Variants in MMP17 observed in about 807,000 individuals in gnomAD.
The protein encoded by MMP17 is matrix metalloproteinase-17.
A neutral mutation model predicts 49.1 loss-of-function variants in MMP17; 54 were observed. That is an observed-to-expected ratio of 1.10 (90% confidence interval 0.88 to 1.38). MMP17 has a LOEUF of 1.38. MMP17 is among the 40% of genes most tolerant of loss of function. The probability of loss-of-function intolerance (pLI) is 0.00; values close to 1 mark genes in which losing one functional copy is unlikely to be tolerated. For synonymous variants in MMP17, 397 were observed against 383.1 expected, an observed-to-expected ratio of 1.04 and a Z score of -0.42; for missense variants, 837 against 853.7, an observed-to-expected ratio of 0.98 and a Z score of 0.24.
intron 1 of MMP17, among the ~76,000 whole-genome samples, chr12:131,835,468 C>G (rs1170965297): frequency 6.6e-6 from 1 of 152,232 alleles, no homozygotes; most frequent in Admixed American, 6.5e-5. Context: ...ATGCATGTGG[C>G]CTCGTGGCCA....
chr12:131,835,587 T>C (rs1475710024), intron 1 of MMP17, among the ~76,000 whole-genome samples: 2 of 152,022 alleles, frequency 1.3e-5, no homozygotes, highest in Non-Finnish European at 2.9e-5. Context: ...GACCTCAGCT[T>C]ATAGACGGGA....
At chr12:131,828,978 G>A (rs1593217403) in intron 1 of MMP17, among the ~76,000 whole-genome samples, 1 of 152,290 alleles carries the variant, frequency 6.6e-6, no homozygotes, top group Middle Eastern at 3.4e-3. Flanking sequence ...CAGCCCCGGA[G>A]CAGCCGGGCT....
chr12:131,844,937 G>A (rs1266846198), intron 6 of MMP17, 181 bp from the exon 7 acceptor site: 8 of 411,046 alleles, frequency 1.9e-5, no homozygotes, highest in South Asian at 7.9e-5. Context: ...GCCCCCGCCC[G>A]CTGAAGCGGT....
rs1297140585 is a variant in MMP17, at chr12:131,828,428, C to CG, written c.-64dup. ...GGGCGCCGCGGAGAGCGGAGGGCGC[C>CG]GGGCTGCGGAACGCGAAGCGGAGGG... On this transcript the variant is annotated 5_prime_UTR_variant, in exon 1 of 10. Coordinates refer to ENST00000360564, the MANE Select transcript of MMP17 (RefSeq NM_016155.7). 1.1e-6 allele frequency: 1 copy of CG among 910,182 alleles called. No homozygotes were observed. Among genetic ancestry groups the CG allele is most frequent in the Non-Finnish European group, 1.3e-6 (1 of 761,314 alleles). 56.4% of individuals were successfully genotyped at this position (910,182 alleles called of 1,614,324 possible). A position where few individuals can be genotyped will look rare whatever the true frequency, so the allele number is the denominator to read the frequency against.
At chr12:131,838,356 C>T in intron 2 of MMP17, 29 bp downstream of exon 2, 1 of 1,608,120 alleles carries the variant, frequency 6.2e-7, no homozygotes, top group South Asian at 1.1e-5. Flanking sequence ...AGCGGGAGCG[C>T]CGTGGCCCCC....
Position 131,828,467 on chromosome 12 carries a change from A to C in MMP17, c.-28A>C. 1 of 989,754 alleles carries C rather than the reference A, an allele frequency of 1.0e-6. No homozygotes were observed. The highest frequency in any genetic ancestry group is 4.6e-5 in the South Asian group (1 of 21,934). 61.3% of individuals were successfully genotyped at this position (989,754 alleles called of 1,614,324 possible). A position where few individuals can be genotyped will look rare whatever the true frequency, so the allele number is the denominator to read the frequency against. ...CGAAGCGGAGGGCGCGGGACCCTGC[A>C]CGCCGCCCGCGGGCCCATGTGAGCG... On this transcript the variant is annotated 5_prime_UTR_variant, in exon 1 of 10. Transcript: ENST00000360564.
At chr12:131,844,771 A>G in intron 6 of MMP17, 1 of 332,794 alleles carries the variant, frequency 3.0e-6, no homozygotes, top group Admixed American at 4.1e-5. Context: ...GTAGGACCGA[A>G]TTCTAGGCCC....
intron 9 of MMP17, 151 bp downstream of exon 9, chr12:131,850,210 C>G: frequency 1.7e-6 from 2 of 1,154,376 alleles, no homozygotes; most frequent in Non-Finnish European, 2.4e-6. Context: ...CTGGAGCTGC[C>G]GACCCTGCAG....
In MMP17 at chr12:131,851,121, C is replaced by G; in HGVS notation, c.1659C>G (p.Arg553=). 1 of 1,589,650 alleles carries G rather than the reference C, an allele frequency of 6.3e-7. No homozygotes were observed. The highest frequency in any genetic ancestry group is 8.6e-7 in the Non-Finnish European group (1 of 1,168,724). ...RAPPGQHDQS[R]SEDGYEVCSC... ...CTCCAGGACAACATGACCAGAGCCG[C>G]TCGGAGGACGGTTACGAGGTCTGCT... Residue 553 remains arginine (R), a synonymous_variant, in exon 10 of 10, where the codon CGC becomes CGG. Transcript: ENST00000360564.
chr12:131,847,369 C>T (rs1301614916), intron 8 of MMP17, among the ~76,000 whole-genome samples: 2 of 147,034 alleles, frequency 1.4e-5, no homozygotes, highest in Non-Finnish European at 3.0e-5. Flanking sequence ...GGTGAGATCA[C>T]ACCACTGGAC....
At position 131,828,553 on chromosome 12, in the gene MMP17, GGCTGCC is replaced by G. The variant is rs771876242; in HGVS notation, c.71_76del (p.Pro24_Leu25del). 118 of 973,706 alleles carry G rather than the reference GGCTGCC, an allele frequency of 1.2e-4. No individual in the cohort carries two copies. Among genetic ancestry groups the G allele is most frequent in the African/African-American group, 1.4e-4 (8 of 56,628 alleles). The allele number at this position is 973,706 out of a possible 1,614,324, so 60.3% of individuals were successfully genotyped here. On this transcript the variant is annotated inframe_deletion, in exon 1 of 10. Transcript: ENST00000360564. ...CCGCCCCCAGGGCCCGGACTCTCGC[GGCTGCC>G]GCTGCCGCTGCTGCTGCTGCTGGCG...
intron 6 of MMP17, chr12:131,844,706 C>CCGA: frequency 4.3e-6 from 1 of 231,318 alleles, no homozygotes; most frequent in Non-Finnish European, 8.7e-6. Context: ...GGTGGACATG[C>CCGA]ACCTTGTCCC....
At position 131,846,305 on chromosome 12, in the gene MMP17, C is replaced by G. The variant is rs1887700596; in HGVS notation, c.1204+856C>G. On this transcript the variant is annotated intron_variant, in intron 8 of 9. Coordinates refer to ENST00000360564, the MANE Select transcript of MMP17 (RefSeq NM_016155.7). This position sits in a 1 kb window ranked among gnomAD's most constrained non-coding sequence, Gnocchi z 4.6. ...GTCTCCACCCGGCCGTCTCCTCCCC[C>G]ATCTCCGCATCTTCTCTTATAAGGA... 6.6e-6 allele frequency among the ~76,000 whole-genome samples: 1 copy of G among 152,168 alleles called. No homozygotes were observed. Among genetic ancestry groups the G allele is most frequent in the Admixed American group, 6.5e-5 (1 of 15,274 alleles).
intron 6 of MMP17, chr12:131,844,636 A>C: frequency 4.5e-6 from 1 of 222,202 alleles, no homozygotes; most frequent in South Asian, 7.1e-5. Context: ...ACAGGACCGT[A>C]CGTGTAACCC....
chr12:131,843,928 G>A, intron 5 of MMP17, 69 bp from the exon 6 acceptor site: 1 of 1,171,572 alleles, frequency 8.5e-7, no homozygotes, highest in Non-Finnish European at 1.2e-6. Context: ...GGATTCAGAA[G>A]GGCTGGTGGG....
intron 1 of MMP17, among the ~76,000 whole-genome samples, chr12:131,830,354 T>C (rs931151595): frequency 3.3e-5 from 5 of 152,192 alleles, no homozygotes; most frequent in Non-Finnish European, 5.9e-5. Flanking sequence ...CTCCCCAGCC[T>C]GGCCGGGGGC....
intron 5 of MMP17, 36 bp from the exon 6 acceptor site, chr12:131,843,961 G>A: frequency 6.8e-7 from 1 of 1,470,498 alleles, no homozygotes; most frequent in Non-Finnish European, 9.2e-7. Context: ...GCGGGCGTCG[G>A]GGGTTTGAGG....
At position 131,829,186 on chromosome 12, in the gene MMP17, C is replaced by T. The variant is rs145187803; in HGVS notation, c.159+533C>T. ...GCACAGGGATGCTGGCCCCCAGCTCCCCACTGGACAAGGACCTGGCCCTCA... is the reference window on the plus strand; with the variant it reads ...GCACAGGGATGCTGGCCCCCAGCTCTCCACTGGACAAGGACCTGGCCCTCA... On this transcript the variant is annotated intron_variant, in intron 1 of 9. Coordinates refer to ENST00000360564, the MANE Select transcript of MMP17 (RefSeq NM_016155.7). Among the ~76,000 whole-genome samples the T allele has an allele frequency of 5.8e-3, 882 of 152,344 alleles. 12 individuals are homozygous for T. The highest frequency in any genetic ancestry group is 0.019 in the African/African-American group (779 of 41,580).
rs373295904 is a variant in MMP17, at chr12:131,849,780, C to G, written c.1205-22C>G. The G allele has an allele frequency of 3.1e-6, 5 of 1,600,878 alleles. No individual in the cohort carries two copies. The African/African-American group carries it at 5.4e-5, about 17-fold the overall frequency. ...CGGGGTGGGGCCGAGCCCCGGCCCACAGCTGTTTCTCTCGCCCCCAGGAGA... is the reference window on the plus strand; with the variant it reads ...CGGGGTGGGGCCGAGCCCCGGCCCAGAGCTGTTTCTCTCGCCCCCAGGAGA... On this transcript the variant is annotated intron_variant, in intron 8 of 9. Coordinates refer to ENST00000360564, the MANE Select transcript of MMP17 (RefSeq NM_016155.7).
Sources: allele counts gnomAD v4.1 joint callset (sites outside exome capture counted in the v4.1 genomes callset), GRCh38; gene constraint gnomAD v4.1.1; non-coding constraint Gnocchi (gnomAD v3.1); transcripts MANE v1.5; gene names NCBI Gene and HGNC (gene_info 2026-07-23, HGNC 2026-07-21).